Variants in DLST observed in about 807,000 individuals in gnomAD.
The protein encoded by DLST is dihydrolipoamide S-succinyltransferase.
DLST carries 17 observed loss-of-function variants against 53.1 expected under a neutral mutation model. That is an observed-to-expected ratio of 0.32 (90% confidence interval 0.22 to 0.48). The LOEUF (loss-of-function observed/expected upper bound fraction) is 0.48, where lower values mean the gene tolerates loss of function less well. Ranked by LOEUF, DLST falls within the 20% of genes least tolerant of loss-of-function variation. The probability of loss-of-function intolerance (pLI) is 0.99; values close to 1 mark genes in which losing one functional copy is unlikely to be tolerated. For synonymous variants in DLST, 206 were observed against 204.8 expected, an observed-to-expected ratio of 1.01 and a Z score of -0.05; for missense variants, 512 against 583.9, an observed-to-expected ratio of 0.88 and a Z score of 1.27.
intron 10 of DLST, among the ~76,000 whole-genome samples, chr14:74,895,939 T>C (rs1186785625): frequency 6.6e-6 from 1 of 152,206 alleles, no homozygotes; most frequent in African/African-American, 2.4e-5. Flanking sequence ...TAGTCTCAGC[T>C]ACTTGGGAGG....
rs1221632087 is a variant in DLST at position 74,902,433 on chromosome 14, A to G, written c.*103A>G. On this transcript the variant is annotated 3_prime_UTR_variant, in exon 15 of 15. Coordinates refer to ENST00000334220, the MANE Select transcript of DLST (RefSeq NM_001933.5). Reference sequence around the variant, plus strand: ...GGTTAGCCTGGTGACAGGCAGACACATGCTGTTGGCCTCAAGCAAGGAAGC... The same window carrying G: ...GGTTAGCCTGGTGACAGGCAGACACGTGCTGTTGGCCTCAAGCAAGGAAGC... The G allele has an allele frequency of 1.6e-5, 22 of 1,418,102 alleles. No homozygotes were observed. The highest frequency in any genetic ancestry group is 2.0e-5 in the Non-Finnish European group (21 of 1,056,530). The allele number at this position is 1,418,102 out of a possible 1,614,324, so 87.8% of individuals were successfully genotyped here.
chr14:74,900,942 C>A, intron 13 of DLST, 124 bp from the exon 14 acceptor site: 1 of 1,057,016 alleles, frequency 9.5e-7, no homozygotes, highest in Non-Finnish European at 1.4e-6. Flanking sequence ...CCCAGGTTGG[C>A]CTTGAACTCC....
chr14:74,892,995 C>G lies in DLST; in HGVS notation c.595+9C>G. 1.2e-6 allele frequency: 2 copies of G among 1,607,968 alleles called. No individual in the cohort carries two copies. The highest frequency in any genetic ancestry group is 1.7e-6 in the Non-Finnish European group (2 of 1,177,754). Reference sequence around the variant, plus strand: ...TCCTTCTGGCAAACCTGGTAGGCTTCCAACTCCCACATGTCATGTGGGAGA... The same window carrying G: ...TCCTTCTGGCAAACCTGGTAGGCTTGCAACTCCCACATGTCATGTGGGAGA... On this transcript the variant is annotated intron_variant, in intron 8 of 14. Coordinates refer to ENST00000334220, the MANE Select transcript of DLST (RefSeq NM_001933.5).
chr14:74,891,705 G>A, intron 7 of DLST: 1 of 984,646 alleles, frequency 1.0e-6, no homozygotes, highest in Middle Eastern at 5.2e-4. Flanking sequence ...AACTTTATCT[G>A]ACTCTTAGTT....
Position 74,891,185 on chromosome 14 carries a change from G to C in DLST, c.442+18G>C. 1 of 1,613,952 alleles carries C rather than the reference G, an allele frequency of 6.2e-7. No homozygotes were observed. The highest frequency in any genetic ancestry group is 8.5e-7 in the Non-Finnish European group (1 of 1,179,884). On this transcript the variant is annotated intron_variant, in intron 7 of 14. Coordinates refer to ENST00000334220, the MANE Select transcript of DLST (RefSeq NM_001933.5). ...AACTGGTGGTAAAGAAGTTCTCCTG[G>C]TGGTCAAGGTCTCCAGTGTTCCCTC...
intron 3 of DLST, among the ~76,000 whole-genome samples, chr14:74,886,455 T>C (rs1883708516): frequency 6.6e-6 from 1 of 152,074 alleles, no homozygotes; most frequent in South Asian, 2.1e-4. Flanking sequence ...GCCTCCTGAG[T>C]AGCTGAGACT....
intron 1 of DLST, among the ~76,000 whole-genome samples, 173 bp from the exon 2 acceptor site, chr14:74,882,418 G>C (rs1370156526): frequency 6.6e-6 from 1 of 152,188 alleles, no homozygotes; most frequent in Non-Finnish European, 1.5e-5. Flanking sequence ...GAGATAGTTT[G>C]GCAGGCCCAG....
intron 10 of DLST, among the ~76,000 whole-genome samples, chr14:74,897,958 T>G (rs565825625): frequency 3.8e-4 from 58 of 151,650 alleles, no homozygotes; most frequent in Non-Finnish European, 5.0e-4. Context: ...TTTTTTTGTA[T>G]TCTAACAAGA....
At position 74,902,717 on chromosome 14, in the gene DLST, T is replaced by C. The variant is rs899913904; in HGVS notation, c.*387T>C. The C allele has an allele frequency of 4.1e-4, 65 of 157,606 alleles. 1 individual carries two copies. The highest frequency in any genetic ancestry group is 6.1e-3 in the Middle Eastern group (2 of 326). 9.8% of individuals were successfully genotyped at this position (157,606 alleles called of 1,614,324 possible). A position where few individuals can be genotyped will look rare whatever the true frequency, so the allele number is the denominator to read the frequency against. On this transcript the variant is annotated 3_prime_UTR_variant, in exon 15 of 15. Coordinates refer to ENST00000334220, the MANE Select transcript of DLST (RefSeq NM_001933.5). The stretch of plus-strand genomic sequence containing the variant: ...AAGTTCCTATCTTTTGAAAGTTTGT[T>C]CTGCAGAGACTTCTAGGAGGATGCT...
intron 2 of DLST, 112 bp from the exon 3 acceptor site, chr14:74,885,474 C>T (rs1284028146): frequency 1.9e-6 from 2 of 1,065,546 alleles, no homozygotes; most frequent in Admixed American, 3.5e-5. Context: ...ATATCCGTTG[C>T]CGTTGATCCT....
At chr14:74,885,826 A>G (rs1360519998) in intron 3 of DLST, 192 bp downstream of exon 3, 12 of 560,604 alleles carry the variant, frequency 2.1e-5, no homozygotes, top group African/African-American at 5.9e-5. Context: ...GCTCCGTGTC[A>G]GGTTTTGGAC....
At chr14:74,898,117 C>A (rs922550245) in intron 10 of DLST, among the ~76,000 whole-genome samples, 1 of 152,004 alleles carries the variant, frequency 6.6e-6, no homozygotes, top group Non-Finnish European at 1.5e-5. Flanking sequence ...TCTGTGACTT[C>A]TAGACCATGA....
intron 7 of DLST, among the ~76,000 whole-genome samples, chr14:74,892,257 A>G (rs1883936199): frequency 6.6e-6 from 1 of 151,850 alleles, no homozygotes; most frequent in Non-Finnish European, 1.5e-5. Flanking sequence ...TAATTTTTGT[A>G]TTTTTGGTAG....
At chr14:74,900,447 A>G in intron 13 of DLST, 75 bp downstream of exon 13, 1 of 1,361,932 alleles carries the variant, frequency 7.3e-7, no homozygotes, top group Non-Finnish European at 1.0e-6. Context: ...GCTCACTAGC[A>G]AGCAGTGCTC....
At chr14:74,892,751 G>A (rs1489230597) in intron 7 of DLST, 83 bp from the exon 8 acceptor site, 5 of 1,399,252 alleles carry the variant, frequency 3.6e-6, no homozygotes, top group Non-Finnish European at 3.9e-6. Flanking sequence ...CTTGATTGGA[G>A]CTAGAGTTTT....
intron 3 of DLST, chr14:74,886,062 C>G (rs1255525007): frequency 6.2e-6 from 1 of 160,148 alleles, no homozygotes; most frequent in Non-Finnish European, 1.4e-5. Context: ...AGTCCTGGGA[C>G]TGACTGACTA....
intron 9 of DLST, 145 bp downstream of exon 9, chr14:74,893,569 C>T: frequency 1.2e-6 from 1 of 800,656 alleles, no homozygotes; most frequent in Non-Finnish European, 2.0e-6. Flanking sequence ...ATAACTTCTT[C>T]ATAGTCACAT....
intron 14 of DLST, 111 bp from the exon 15 acceptor site, chr14:74,902,085 A>G (rs1200654428): frequency 6.7e-6 from 8 of 1,200,902 alleles, no homozygotes; most frequent in South Asian, 4.6e-5. Context: ...GGCAACATCA[A>G]TAGGAAAGGC....
Position 74,894,543 on chromosome 14 carries a change from GTTTGTT to G in DLST, c.770+150_770+155del, listed in dbSNP as rs575958132. On this transcript the variant is annotated intron_variant, in intron 10 of 14. Transcript: ENST00000334220. Reference sequence around the variant, plus strand: ...GGTATTTGTTTATTGTTTTTTGTTTGTTTGTTTTTGTTTTTGTTTTTTGAGATGGAG... The same window carrying G: ...GGTATTTGTTTATTGTTTTTTGTTTGTTTGTTTTTGTTTTTTGAGATGGAG... 2.9e-4 allele frequency: 296 copies of G among 1,018,086 alleles called. No individual in the cohort carries two copies. The East Asian group carries it at 3.5e-3, about 12-fold the overall frequency. The allele number at this position is 1,018,086 out of a possible 1,614,324, so 63.1% of individuals were successfully genotyped here. A position where few individuals can be genotyped will look rare whatever the true frequency, so the allele number is the denominator to read the frequency against.
Sources: allele counts gnomAD v4.1 joint callset (sites outside exome capture counted in the v4.1 genomes callset), GRCh38; gene constraint gnomAD v4.1.1; transcripts MANE v1.5; gene names NCBI Gene and HGNC (gene_info 2026-07-23, HGNC 2026-07-21).